OPCML: variants seen among roughly 807,000 people sequenced by gnomAD.
The protein encoded by OPCML is opioid binding protein/cell adhesion molecule like, also known as opioid-binding protein/cell adhesion molecule.
OPCML carries 13 observed loss-of-function variants against 37.8 expected under a neutral mutation model. The ratio of observed to expected loss-of-function variants is 0.34; its 90% CI spans 0.22 to 0.55. The LOEUF is 0.55. Ranked by LOEUF, OPCML falls within the 20% of genes least tolerant of loss-of-function variation. OPCML has a pLI of 0.91. For missense variants in OPCML, 341 were observed against 435.6 expected (o/e 0.78, Z 1.93); for synonymous variants, 176 against 168.8 (o/e 1.04, Z -0.33).
intron 1 of OPCML, among the ~76,000 whole-genome samples, chr11:133,199,242 T>C (rs115108010): frequency 1.4e-4 from 22 of 152,282 alleles, no homozygotes; most frequent in African/African-American, 5.3e-4. Context: ...TGGAGTTCTT[T>C]AGAGGATCTT....
intron 3 of OPCML, among the ~76,000 whole-genome samples, chr11:132,587,620 C>T (rs2096475848): frequency 6.6e-6 from 1 of 152,192 alleles, no homozygotes; most frequent in Admixed American, 6.5e-5. Flanking sequence ...AGTGACAGGG[C>T]ATCCTTCACA....
chr11:133,377,543 C>T (rs1385021242), intron 1 of OPCML, among the ~76,000 whole-genome samples: 1 of 149,522 alleles, frequency 6.7e-6, no homozygotes, highest in Non-Finnish European at 1.5e-5. Flanking sequence ...TGGGTGGCCC[C>T]AACCTCCACC....
At chr11:132,872,351 G>T (rs1942832135) in intron 2 of OPCML, among the ~76,000 whole-genome samples, 1 of 152,098 alleles carries the variant, frequency 6.6e-6, no homozygotes, top group South Asian at 2.1e-4. Context: ...AGATGCTATG[G>T]GCTGTTGCAG....
chr11:132,986,057 C>T (rs549796056), intron 1 of OPCML, among the ~76,000 whole-genome samples: 48 of 152,270 alleles, frequency 3.2e-4, no homozygotes, highest in Non-Finnish European at 2.8e-4. Flanking sequence ...TCTTCTTTCT[C>T]TAGCAAACTG....
intron 4 of OPCML, among the ~76,000 whole-genome samples, chr11:132,459,004 G>A (rs937302621): frequency 6.6e-6 from 1 of 152,152 alleles, no homozygotes; most frequent in African/African-American, 2.4e-5. Flanking sequence ...CAGAATCTGA[G>A]ACCATGTCAA....
At chr11:133,310,511 C>T (rs994243601) in intron 1 of OPCML, among the ~76,000 whole-genome samples, 10 of 152,148 alleles carry the variant, frequency 6.6e-5, no homozygotes, top group Admixed American at 1.3e-4. Context: ...ATATATTCCC[C>T]TCACCATTTC....
At chr11:133,127,448 C>T (rs1303578769) in intron 1 of OPCML, among the ~76,000 whole-genome samples, 5 of 151,834 alleles carry the variant, frequency 3.3e-5, no homozygotes, top group African/African-American at 9.7e-5. Context: ...AGCCCGGCAA[C>T]CTGGAAAAAC....
At chr11:133,508,232 C>G (rs916659642) in intron 1 of OPCML, among the ~76,000 whole-genome samples, 1 of 152,060 alleles carries the variant, frequency 6.6e-6, no homozygotes. Context: ...CCAGGAAAGG[C>G]TACTTGGAAG....
intron 1 of OPCML, among the ~76,000 whole-genome samples, chr11:133,163,491 GT>G (rs1950170951): frequency 6.6e-6 from 1 of 152,184 alleles, no homozygotes; most frequent in Non-Finnish European, 1.5e-5. Context: ...GTTCATAGAC[GT>G]TTAAAAGGCA....
chr11:132,755,537 G>A (rs911041454), intron 2 of OPCML, among the ~76,000 whole-genome samples: 10 of 152,074 alleles, frequency 6.6e-5, no homozygotes, highest in Admixed American at 1.3e-4. Flanking sequence ...GTAGTTGCAG[G>A]CAAAGCCATT....
In OPCML at chr11:133,505,990, T is replaced by C. The variant is rs1948025059; in HGVS notation, c.61+26274A>G. Among the ~76,000 whole-genome samples, 9 of 152,208 alleles carry C rather than the reference T, an allele frequency of 5.9e-5. No homozygotes were observed. The South Asian group carries it at 1.9e-3, about 32-fold the overall frequency. On this transcript the variant is annotated intron_variant, in intron 1 of 7. Coordinates refer to ENST00000524381, the MANE Select transcript of OPCML (RefSeq NM_001012393.5). ...AGATTAAGGATTGTGGTTTTCACCA[T>C]GCACAAAATAAGCCTCTCTAATAAG...
intron 3 of OPCML, among the ~76,000 whole-genome samples, chr11:132,546,010 C>A (rs747385389): frequency 6.6e-6 from 1 of 152,292 alleles, no homozygotes; most frequent in Non-Finnish European, 1.5e-5. Context: ...ACCATTGTTC[C>A]AATCCACTAA....
intron 2 of OPCML, among the ~76,000 whole-genome samples, chr11:132,664,022 G>C (rs141443227): frequency 0.022 from 3,319 of 151,944 alleles, 104 homozygotes; most frequent in African/African-American, 0.065. Flanking sequence ...TTAGTAGAGA[G>C]GGGGTTTCAC....
intron 2 of OPCML, among the ~76,000 whole-genome samples, chr11:132,676,574 C>T (rs1942709918): frequency 6.6e-6 from 1 of 151,468 alleles, no homozygotes; most frequent in Admixed American, 6.6e-5. Flanking sequence ...TAACTTAACA[C>T]TTACAACTCA....
At position 132,688,779 on chromosome 11, in the gene OPCML, TA is replaced by T. The variant is rs531036340; in HGVS notation, c.147-31461del. Among the ~76,000 whole-genome samples the T allele has an allele frequency of 1.6e-3, 58 of 35,202 alleles. 1 individual carries two copies. Among genetic ancestry groups the T allele is most frequent in the Admixed American group, 1.8e-3 (5 of 2,802 alleles). The allele number at this position is 35,202 out of a possible 152,430, so 23.1% of individuals were successfully genotyped here. A position where few individuals can be genotyped will look rare whatever the true frequency, so the allele number is the denominator to read the frequency against. On this transcript the variant is annotated intron_variant, in intron 2 of 7. Transcript: ENST00000524381. The stretch of plus-strand genomic sequence containing the variant: ...TAACAAGGTGAAACCCCGTCTCTAC[TA>T]AAAAAAAAAAATACAAAAAATTAGC...
At chr11:133,077,719 T>G (rs1389727150) in intron 1 of OPCML, among the ~76,000 whole-genome samples, 1 of 152,110 alleles carries the variant, frequency 6.6e-6, no homozygotes, top group Non-Finnish European at 1.5e-5. Flanking sequence ...ATACTTTGTT[T>G]CTACAAAGAA....
intron 1 of OPCML, among the ~76,000 whole-genome samples, chr11:133,017,114 T>C (rs537226081): frequency 3.8e-4 from 58 of 152,176 alleles, no homozygotes; most frequent in Admixed American, 8.5e-4. Flanking sequence ...CTTCTTGGCT[T>C]ACAGATAGCC....
chr11:132,986,998 G>A (rs1196651468), intron 1 of OPCML, among the ~76,000 whole-genome samples: 1 of 152,172 alleles, frequency 6.6e-6, no homozygotes, highest in African/African-American at 2.4e-5. Context: ...TGCGAATGTG[G>A]GAGGGAGCAC....
intron 2 of OPCML, among the ~76,000 whole-genome samples, chr11:132,822,858 C>T (rs1208917927): frequency 1.3e-5 from 2 of 152,096 alleles, no homozygotes; most frequent in African/African-American, 4.8e-5. Flanking sequence ...AATTTACTAG[C>T]TGTGGGACCT....
Sources: allele counts gnomAD v4.1 joint callset (sites outside exome capture counted in the v4.1 genomes callset), GRCh38; gene constraint gnomAD v4.1.1; transcripts MANE v1.5; gene names NCBI Gene and HGNC (gene_info 2026-07-23, HGNC 2026-07-21).